The following GYS2 variants were observed in gnomAD, a reference collection of about 807,000 sequenced individuals.
GYS2 encodes glycogen synthase 2, also known as glycogen [starch] synthase, liver.
Under a neutral mutation model 85.6 loss-of-function variants are expected in GYS2, and 80 were observed. That is an observed-to-expected ratio of 0.93 (90% confidence interval 0.78 to 1.13). GYS2 has a LOEUF of 1.13. Ranked by LOEUF, GYS2 falls within the 50% of genes most tolerant of loss-of-function variation. The pLI is 0.00. For synonymous variants in GYS2, 328 were observed against 300.7 expected, an observed-to-expected ratio of 1.09 and a Z score of -0.94; for missense variants, 881 against 854.9, an observed-to-expected ratio of 1.03 and a Z score of -0.38.
rs552927422 is a variant in GYS2, at chr12:21,562,494, A to G, written c.1062+424T>C. Among the ~76,000 whole-genome samples the G allele has an allele frequency of 6.6e-5, 10 of 152,300 alleles. No individual in the cohort carries two copies. The South Asian group carries it at 2.1e-3, about 32-fold the overall frequency. ...TAGGATGCGTATTGTCATGTGCATA[A>G]GCCACATCTTCCATTATAGTCTTCA... is the stretch of plus-strand genomic sequence containing the variant. On this transcript the variant is annotated intron_variant, in intron 7 of 15. Coordinates refer to ENST00000261195, the MANE Select transcript of GYS2 (RefSeq NM_021957.4).
At chr12:21,545,922 A>G (rs981055219) in intron 12 of GYS2, among the ~76,000 whole-genome samples, 1 of 152,224 alleles carries the variant, frequency 6.6e-6, no homozygotes, top group Non-Finnish European at 1.5e-5. Flanking sequence ...TAAATTTTAA[A>G]AAGAATTATT....
intron 10 of GYS2, among the ~76,000 whole-genome samples, chr12:21,558,660 G>A (rs1191935393): frequency 6.6e-6 from 1 of 152,164 alleles, no homozygotes; most frequent in African/African-American, 2.4e-5. Flanking sequence ...CTGTCCTCCA[G>A]TATCTGATTC....
At chr12:21,556,860 G>A (rs1422148612) in intron 11 of GYS2, among the ~76,000 whole-genome samples, 1 of 152,172 alleles carries the variant, frequency 6.6e-6, no homozygotes, top group Non-Finnish European at 1.5e-5. Context: ...AAGGGAAAGA[G>A]GGTGAAGGCC....
chr12:21,550,476 C>T (rs1009745389), intron 11 of GYS2, among the ~76,000 whole-genome samples: 3 of 152,164 alleles, frequency 2.0e-5, no homozygotes, highest in African/African-American at 7.2e-5. Context: ...GGCTCTGACA[C>T]TGCTTTAGGC....
chr12:21,543,087 G>A (rs996619236), intron 12 of GYS2, among the ~76,000 whole-genome samples: 1 of 152,118 alleles, frequency 6.6e-6, no homozygotes, highest in Non-Finnish European at 1.5e-5. Flanking sequence ...ACTCTCTCAG[G>A]AGCTCAATAA....
chr12:21,603,465 A>G (rs774254536), intron 1 of GYS2, among the ~76,000 whole-genome samples: 5 of 152,148 alleles, frequency 3.3e-5, no homozygotes, highest in Non-Finnish European at 7.4e-5. Flanking sequence ...GGCTCTGATT[A>G]GCCAAAAGAA....
At chr12:21,578,729 C>G (rs1944474266) in intron 2 of GYS2, among the ~76,000 whole-genome samples, 1 of 152,000 alleles carries the variant, frequency 6.6e-6, no homozygotes, top group East Asian at 1.9e-4. Flanking sequence ...TTGAGTGAGA[C>G]AAGCGAAAAA....
intron 1 of GYS2, among the ~76,000 whole-genome samples, chr12:21,590,948 T>C (rs1161481663): frequency 6.6e-6 from 1 of 152,078 alleles, no homozygotes; most frequent in Non-Finnish European, 1.5e-5. Flanking sequence ...CAAAGTGCCC[T>C]ACTCAATCAA....
At chr12:21,541,345 C>T (rs1416727406) in intron 13 of GYS2, among the ~76,000 whole-genome samples, 2 of 136,926 alleles carry the variant, frequency 1.5e-5, no homozygotes, top group African/African-American at 5.2e-5. Context: ...CCCATTTTAA[C>T]TTTTCTTGCT....
intron 5 of GYS2, among the ~76,000 whole-genome samples, chr12:21,565,909 G>A (rs989081201): frequency 6.6e-6 from 1 of 152,004 alleles, no homozygotes; most frequent in Non-Finnish European, 1.5e-5. Flanking sequence ...TAAGGTATTA[G>A]CATGGGCTCC....
At chr12:21,558,386 C>T (rs1028265638) in intron 10 of GYS2, 73 bp from the exon 11 acceptor site, 27 of 912,506 alleles carry the variant, frequency 3.0e-5, no homozygotes, top group Non-Finnish European at 4.9e-5. Context: ...AACAATAGGT[C>T]ATTGACATTT....
chr12:21,543,254 T>G (rs889015940), intron 12 of GYS2, among the ~76,000 whole-genome samples: 1 of 152,116 alleles, frequency 6.6e-6, no homozygotes, highest in African/African-American at 2.4e-5. Context: ...GTGAGTGGAG[T>G]TGGATGAAAA....
At chr12:21,580,557 A>G in intron 1 of GYS2, 34 bp from the exon 2 acceptor site, 1 of 1,533,020 alleles carries the variant, frequency 6.5e-7, no homozygotes, top group Non-Finnish European at 9.0e-7. Context: ...ATTATCATTC[A>G]GGTTAGCAAT....
intron 1 of GYS2, among the ~76,000 whole-genome samples, chr12:21,601,293 A>G (rs1166766429): frequency 6.6e-6 from 1 of 152,092 alleles, no homozygotes; most frequent in East Asian, 1.9e-4. Context: ...CTTCCAAAAC[A>G]TACCTGACTA....
intron 1 of GYS2, among the ~76,000 whole-genome samples, chr12:21,582,713 A>C (rs1486167501): frequency 6.6e-6 from 1 of 152,164 alleles, no homozygotes. Context: ...CTAGAGGAAC[A>C]GAATATTAAG....
intron 4 of GYS2, among the ~76,000 whole-genome samples, chr12:21,570,376 T>C (rs1944371775): frequency 6.6e-6 from 1 of 152,200 alleles, no homozygotes; most frequent in Non-Finnish European, 1.5e-5. Context: ...AGAAATGAAA[T>C]GAGTATGTGT....
chr12:21,548,833 G>T (rs1000653782), intron 11 of GYS2, among the ~76,000 whole-genome samples: 37 of 151,790 alleles, frequency 2.4e-4, no homozygotes, highest in African/African-American at 8.7e-4. Context: ...TTTTTGGTGG[G>T]GGGCACGTAT....
At chr12:21,597,192 CA>C (rs1333469128) in intron 1 of GYS2, among the ~76,000 whole-genome samples, 1 of 151,884 alleles carries the variant, frequency 6.6e-6, no homozygotes, top group Non-Finnish European at 1.5e-5. Flanking sequence ...GCAACAAAAG[CA>C]AAAATAGACA....
At chr12:21,537,277 T>C (rs1161810827) in intron 15 of GYS2, 102 bp from the exon 16 acceptor site, 13 of 797,020 alleles carry the variant, frequency 1.6e-5, no homozygotes, top group Non-Finnish European at 2.6e-5. Flanking sequence ...TAGTTATCTA[T>C]CTTTTGTAGT....
Sources: gnomAD v4.1 joint callset for allele counts (sites outside exome capture counted in the v4.1 genomes callset) on GRCh38, gnomAD v4.1.1 for gene constraint, MANE v1.5 for transcripts, NCBI Gene and HGNC (gene_info 2026-07-23, HGNC 2026-07-21) for gene names.